Variants in OR1J2 observed in about 807,000 individuals in gnomAD.
OR1J2 encodes the protein olfactory receptor 1J2.
For missense variants in OR1J2, 304 were observed against 246.1 expected (o/e 1.24, Z -1.57); for synonymous variants, 142 against 99.7 (o/e 1.42, Z -2.52).
the OR1J2 span, among the ~76,000 whole-genome samples, chr9:122,451,388 T>C: frequency 1.3e-5 from 2 of 152,020 alleles, no homozygotes; most frequent in African/African-American, 2.4e-5. Flanking sequence ...TTTCTCCATG[T>C]TGGTCAGGCT....
the OR1J2 span, among the ~76,000 whole-genome samples, chr9:122,455,141 T>TC: frequency 6.6e-6 from 1 of 152,254 alleles, no homozygotes; most frequent in African/African-American, 2.4e-5. Context: ...TTGTGTTGTT[T>TC]CCACTTTTTG....
chr9:122,468,175 T>C, the OR1J2 span, among the ~76,000 whole-genome samples: 25 of 152,334 alleles, frequency 1.6e-4, no homozygotes, highest in Non-Finnish European at 3.1e-4. Flanking sequence ...AGCAAGTGGC[T>C]GCTTAAGGTC....
chr9:122,474,051 A>G, the OR1J2 span, among the ~76,000 whole-genome samples: 1 of 152,200 alleles, frequency 6.6e-6, no homozygotes, highest in South Asian at 2.1e-4. Context: ...GAACAAGTCT[A>G]TCTGGCTACA....
At chr9:122,490,694 G>A in the OR1J2 span, among the ~76,000 whole-genome samples, 7 of 152,150 alleles carry the variant, frequency 4.6e-5, no homozygotes, top group Admixed American at 3.9e-4. Context: ...AGAAAAATTA[G>A]AGTGGCTAAA....
downstream of OR1J2, among the ~76,000 whole-genome samples, chr9:122,516,550 G>A (rs113432623): frequency 0.027 from 4,133 of 152,070 alleles, 285 homozygotes; most frequent in East Asian, 0.29. Flanking sequence ...TGATCCGCCC[G>A]CCTCGGCCTC....
chr9:122,506,363 TTTATG>T (rs1588187169), upstream of OR1J2, among the ~76,000 whole-genome samples: 1 of 152,206 alleles, frequency 6.6e-6, no homozygotes, highest in East Asian at 1.9e-4. Context: ...TAATCCATGT[TTTATG>T]GATATCTTTA....
At chr9:122,498,911 T>G in the OR1J2 span, among the ~76,000 whole-genome samples, 11 of 152,244 alleles carry the variant, frequency 7.2e-5, no homozygotes, top group African/African-American at 2.7e-4. Flanking sequence ...GCATTGCTTC[T>G]GTAGCTCCAT....
chr9:122,469,198 G>T, the OR1J2 span, among the ~76,000 whole-genome samples: 1 of 152,188 alleles, frequency 6.6e-6, no homozygotes, highest in Non-Finnish European at 1.5e-5. Context: ...AAGTGATATG[G>T]CTTGGCTCTG....
At chr9:122,553,922 A>T in the OR1J2 span, 1 of 1,613,608 alleles carries the variant, frequency 6.2e-7, no homozygotes, top group South Asian at 1.1e-5. Flanking sequence ...CTGGAGGGAG[A>T]TGGAAGGCCT....
At chr9:122,566,386 C>T in the OR1J2 span, among the ~76,000 whole-genome samples, 2 of 152,280 alleles carry the variant, frequency 1.3e-5, no homozygotes, top group South Asian at 2.1e-4. Context: ...TCCATGTTTC[C>T]CCCTGCCCTT....
At chr9:122,538,749 C>T in the OR1J2 span, among the ~76,000 whole-genome samples, 2 of 152,144 alleles carry the variant, frequency 1.3e-5, no homozygotes, top group African/African-American at 4.8e-5. Context: ...TTTGCAGCAA[C>T]ATGGATGGAT....
the OR1J2 span, among the ~76,000 whole-genome samples, chr9:122,557,847 TTC>T: frequency 6.6e-6 from 1 of 152,016 alleles, no homozygotes; most frequent in Non-Finnish European, 1.5e-5. Context: ...GCCTGGTACT[TTC>T]TGTTTGGGAA....
the OR1J2 span, chr9:122,526,443 T>G: frequency 6.5e-7 from 1 of 1,529,626 alleles, no homozygotes; most frequent in Non-Finnish European, 8.8e-7. Context: ...GATAAAGGGG[T>G]TCAACATGGG....
the OR1J2 span, among the ~76,000 whole-genome samples, chr9:122,518,639 A>G: frequency 6.6e-6 from 1 of 152,018 alleles, no homozygotes; most frequent in Non-Finnish European, 1.5e-5. Context: ...TTTTTTTCTC[A>G]TCAACTTTAT....
the OR1J2 span, among the ~76,000 whole-genome samples, chr9:122,485,960 G>GTTT: frequency 1.3e-3 from 182 of 138,620 alleles, 2 homozygotes; most frequent in Middle Eastern, 3.8e-3. Flanking sequence ...TCCCACATAA[G>GTTT]TTTTTTTTTT....
chr9:122,555,854 A>G, the OR1J2 span, among the ~76,000 whole-genome samples: 1 of 152,216 alleles, frequency 6.6e-6, no homozygotes, highest in Admixed American at 6.5e-5. Context: ...ATTTATTACA[A>G]TCCATTAGCC....
At chr9:122,459,490 T>C in the OR1J2 span, among the ~76,000 whole-genome samples, 2 of 152,336 alleles carry the variant, frequency 1.3e-5, no homozygotes, top group East Asian at 3.9e-4. Flanking sequence ...GTGATGACTC[T>C]AGCTTTGATC....
At chr9:122,575,975 G>A in the OR1J2 span, among the ~76,000 whole-genome samples, 6 of 152,022 alleles carry the variant, frequency 3.9e-5, no homozygotes, top group East Asian at 1.2e-3. Context: ...ATATACATGA[G>A]AGTGTGCAAT....
At chr9:122,555,039 T>G in the OR1J2 span, among the ~76,000 whole-genome samples, 44 of 151,900 alleles carry the variant, frequency 2.9e-4, no homozygotes, top group African/African-American at 9.9e-4. Context: ...CTTTTTGCAA[T>G]GAAATTCTAG....
Sources: allele counts gnomAD v4.1 joint callset (sites outside exome capture counted in the v4.1 genomes callset), GRCh38; gene constraint gnomAD v4.1.1; transcripts MANE v1.5; gene names NCBI Gene and HGNC (gene_info 2026-07-23, HGNC 2026-07-21).